Variants in MKNK2 observed in about 807,000 individuals in gnomAD.
MKNK2 encodes the protein MAP kinase-interacting serine/threonine-protein kinase 2.
In MKNK2, 54 loss-of-function variants were observed where a neutral mutation model predicts 55.0. That is an observed-to-expected ratio of 0.98 (90% CI 0.79 to 1.23). The LOEUF (loss-of-function observed/expected upper bound fraction) is 1.23. Ranked by LOEUF, MKNK2 falls within the 50% of genes most tolerant of loss-of-function variation. The probability of loss-of-function intolerance (pLI) is 0.00; values close to 1 mark genes in which losing one functional copy is unlikely to be tolerated. For synonymous variants in MKNK2, 323 were observed against 256.0 expected (o/e 1.26, Z -2.50); for missense variants, 685 against 632.1 (o/e 1.08, Z -0.90).
intron 13 of MKNK2, 29 bp downstream of exon 13, chr19:2,040,105 G>A (rs751527707): frequency 6.3e-7 from 1 of 1,577,738 alleles, no homozygotes; most frequent in Admixed American, 1.9e-5. Flanking sequence ...CCTGGACTCA[G>A]GGGTCCCGAG....
chr19:2,041,569 A>C (rs2016882622), intron 11 of MKNK2, among the ~76,000 whole-genome samples: 1 of 152,102 alleles, frequency 6.6e-6, no homozygotes, highest in South Asian at 2.1e-4. Context: ...AGCCTTCGGG[A>C]AACTGGCAGA....
intron 7 of MKNK2, 106 bp from the exon 8 acceptor site, chr19:2,042,976 G>T (rs900632998): frequency 2.2e-5 from 30 of 1,341,204 alleles, no homozygotes; most frequent in Non-Finnish European, 2.9e-5. Flanking sequence ...CCCCACACTG[G>T]CTTCCTCCAG....
In MKNK2 at chr19:2,039,761, T is replaced by C; in HGVS notation, c.1250A>G (p.Glu417Gly). Residue 417 changes from glutamate to glycine, a missense_variant, in exon 14 of 14, where the codon GAG becomes GGG. Physicochemically the swap from Glu to Gly is moderately conservative, Grantham distance 98. Transcript: ENST00000250896. Reference sequence around the variant, plus strand: ...GACGGGCTGGCCCTGCCCCGCGGCCTCCTCCTCAGCCAGGTCCTCGTCGTG... The same window carrying C: ...GACGGGCTGGCCCTGCCCCGCGGCCCCCTCCTCAGCCAGGTCCTCGTCGTG... ...AQHDEDLAEE[E>G]AAGQGQPVLV... is the part of the protein sequence containing the mutation. 1 of 1,609,330 alleles carries C rather than the reference T, an allele frequency of 6.2e-7. No homozygotes were observed. Among genetic ancestry groups the C allele is most frequent in the Non-Finnish European group, 8.5e-7 (1 of 1,179,736 alleles).
intron 12 of MKNK2, chr19:2,040,378 G>C: frequency 1.8e-6 from 1 of 548,092 alleles, no homozygotes; most frequent in Non-Finnish European, 3.2e-6. Flanking sequence ...CCTGCCCAGG[G>C]AACCCGAGGC....
intron 10 of MKNK2, 126 bp from the exon 11 acceptor site, chr19:2,042,160 C>A: frequency 1.0e-6 from 1 of 967,098 alleles, no homozygotes; most frequent in Non-Finnish European, 1.4e-6. Context: ...GACCAATCAG[C>A]GGCTGCCGGG....
chr19:2,049,630 G>A (rs2017070112), intron 2 of MKNK2, among the ~76,000 whole-genome samples: 1 of 152,236 alleles, frequency 6.6e-6, no homozygotes, highest in Non-Finnish European at 1.5e-5. Flanking sequence ...GAAAGTTCAA[G>A]TGTGCTTTAG....
chr19:2,045,107 CGT>C (rs2016969652), intron 5 of MKNK2, among the ~76,000 whole-genome samples: 1 of 152,182 alleles, frequency 6.6e-6, no homozygotes, highest in Non-Finnish European at 1.5e-5. Context: ...AACTCCCGGA[CGT>C]CAGTGGCCAA....
intron 11 of MKNK2, 126 bp from the exon 12 acceptor site, chr19:2,041,330 C>T: frequency 1.0e-6 from 1 of 955,752 alleles, no homozygotes; most frequent in Non-Finnish European, 1.5e-6. Context: ...ACGCCTGGGG[C>T]AGAGGGGGCT....
chr19:2,038,639 G>T lies in MKNK2; in HGVS notation c.*974C>A. On this transcript the variant is annotated 3_prime_UTR_variant, in exon 14 of 14. Transcript: ENST00000250896. Reference sequence around the variant, plus strand: ...CAGCTCTAAGGACAAGGACGGAGCTGACGGAGCTTCCAGGTCAGGCCCGAG... The same window carrying T: ...CAGCTCTAAGGACAAGGACGGAGCTTACGGAGCTTCCAGGTCAGGCCCGAG... 1.0e-6 allele frequency: 1 copy of T among 985,610 alleles called. No individual in the cohort carries two copies. The highest frequency in any genetic ancestry group is 1.2e-6 in the Non-Finnish European group (1 of 830,016). The allele number at this position is 985,610 out of a possible 1,614,324, so 61.1% of individuals were successfully genotyped here. A position where few individuals can be genotyped will look rare whatever the true frequency, so the allele number is the denominator to read the frequency against.
Position 2,045,288 on chromosome 19 carries a change from A to C in MKNK2, c.339+898T>G, listed in dbSNP as rs944140560. Among the ~76,000 whole-genome samples, 6 of 152,238 alleles carry C rather than the reference A, an allele frequency of 3.9e-5. 1 individual carries two copies. Among genetic ancestry groups the C allele is most frequent in the Non-Finnish European group, 7.4e-5 (5 of 67,986 alleles). On this transcript the variant is annotated intron_variant, in intron 5 of 13. Coordinates refer to ENST00000250896, the MANE Select transcript of MKNK2 (RefSeq NM_199054.3). Reference sequence around the variant, plus strand: ...TAACCCCCTGAGCCTCAGTGTCCCTATCTGTCAAACAAAGACAGGAAGCAA... The same window carrying C: ...TAACCCCCTGAGCCTCAGTGTCCCTCTCTGTCAAACAAAGACAGGAAGCAA...
chr19:2,040,181 C>T lies in MKNK2; in HGVS notation c.1111-4G>A, dbSNP rs757837052. On this transcript the variant is annotated splice_polypyrimidine_tract_variant and splice_region_variant and intron_variant, in intron 12 of 13. Transcript: ENST00000250896. ...GCAAGGTGTTCTCCGGGGCGCACTG[C>T]AACGAGAGTGGGCGGGGGCAGGGCT... 1.3e-6 allele frequency: 2 copies of T among 1,576,262 alleles called. No individual in the cohort carries two copies. Among genetic ancestry groups the T allele is most frequent in the Admixed American group, 1.9e-5 (1 of 52,344 alleles).
In MKNK2 at chr19:2,043,599, G is replaced by A; in HGVS notation, c.340-17C>T. ...CTCAATGATCTGAAACAGGCGAAAG[G>A]ACACAGCACCTGGGTTGGTGGGACG... On this transcript the variant is annotated splice_polypyrimidine_tract_variant and intron_variant, in intron 5 of 13. Coordinates refer to ENST00000250896, the MANE Select transcript of MKNK2 (RefSeq NM_199054.3). 1 of 1,613,130 alleles carries A rather than the reference G, an allele frequency of 6.2e-7. No homozygotes were observed. Among genetic ancestry groups the A allele is most frequent in the Non-Finnish European group, 8.5e-7 (1 of 1,179,370 alleles).
chr19:2,041,225 G>A (rs371348765), intron 11 of MKNK2, 21 bp from the exon 12 acceptor site: 123 of 1,602,742 alleles, frequency 7.7e-5, no homozygotes, highest in Middle Eastern at 1.7e-4. Context: ...AGAACACAGG[G>A]GAGCTTAGAC....
intron 6 of MKNK2, 82 bp from the exon 7 acceptor site, chr19:2,043,279 A>AC: frequency 8.3e-7 from 1 of 1,210,676 alleles, no homozygotes; most frequent in Non-Finnish European, 1.2e-6. Flanking sequence ...GGAGGGGCCC[A>AC]CCCTCTTGGT....
Position 2,039,871 on chromosome 19 carries a change from G to A in MKNK2, c.1155-15C>T. 1.3e-6 allele frequency: 2 copies of A among 1,582,482 alleles called. No individual in the cohort carries two copies. The highest frequency in any genetic ancestry group is 8.6e-7 in the Non-Finnish European group (1 of 1,166,342). On this transcript the variant is annotated splice_polypyrimidine_tract_variant and intron_variant, in intron 13 of 13. Coordinates refer to ENST00000250896, the MANE Select transcript of MKNK2 (RefSeq NM_199054.3). ...CACAGCTGTTCCTGGGAAACGGGGT[G>A]GGGGTAGGTGGTCACCAAGAGGCAC...
At chr19:2,042,551 T>TG in intron 9 of MKNK2, 29 bp from the exon 10 acceptor site, 1 of 1,581,988 alleles carries the variant, frequency 6.3e-7, no homozygotes. Flanking sequence ...TCCGTGAGCC[T>TG]GGGGTCCCAC....
Position 2,037,500 on chromosome 19 carries a change from A to G in MKNK2, c.*2113T>C. 2.9e-6 allele frequency: 1 copy of G among 349,758 alleles called. No individual in the cohort carries two copies. Among genetic ancestry groups the G allele is most frequent in the Non-Finnish European group, 5.1e-6 (1 of 194,182 alleles). The allele number at this position is 349,758 out of a possible 1,614,324, so 21.7% of individuals were successfully genotyped here. ...GTTTTTTGACTTTTATTAAATCTTT[A>G]CAAAACAGAATACAAAATTCCGGCA... On this transcript the variant is annotated 3_prime_UTR_variant, in exon 14 of 14. Coordinates refer to ENST00000250896, the MANE Select transcript of MKNK2 (RefSeq NM_199054.3).
chr19:2,041,691 G>T (rs1031238348), intron 11 of MKNK2, 149 bp downstream of exon 11: 14 of 626,140 alleles, frequency 2.2e-5, no homozygotes, highest in Admixed American at 9.7e-5. Flanking sequence ...AGCACACAGG[G>T]CAGGTCCCCG....
Position 2,038,017 on chromosome 19 carries a change from G to A in MKNK2, c.*1596C>T, listed in dbSNP as rs1292756766. ...GCGAGAAGTGATGGGGGAAAGGGGTGGGCGGAATGCCCCACCCCCCCCAGG... is the reference window on the plus strand; with the variant it reads ...GCGAGAAGTGATGGGGGAAAGGGGTAGGCGGAATGCCCCACCCCCCCCAGG... On this transcript the variant is annotated 3_prime_UTR_variant, in exon 14 of 14. Coordinates refer to ENST00000250896, the MANE Select transcript of MKNK2 (RefSeq NM_199054.3). 1 of 1,336,756 alleles carries A rather than the reference G, an allele frequency of 7.5e-7. No individual in the cohort carries two copies. The highest frequency in any genetic ancestry group is 1.5e-5 in the African/African-American group (1 of 67,576). The allele number at this position is 1,336,756 out of a possible 1,614,324, so 82.8% of individuals were successfully genotyped here.
Sources: gnomAD v4.1 joint callset for allele counts (sites outside exome capture counted in the v4.1 genomes callset) on GRCh38, gnomAD v4.1.1 for gene constraint, MANE v1.5 for transcripts, NCBI Gene and HGNC (gene_info 2026-07-23, HGNC 2026-07-21) for gene names.